The following COL4A5 variants were observed in gnomAD, a reference collection of about 807,000 sequenced individuals.
COL4A5 encodes the protein collagen type IV alpha 5 chain.
Under a neutral mutation model 130.2 loss-of-function variants are expected in COL4A5, and 26 were observed. The observed-to-expected ratio is 0.20, with a 90% CI of 0.15 to 0.28. COL4A5 has a LOEUF of 0.28. Ranked by LOEUF, COL4A5 falls within the 10% of genes least tolerant of loss-of-function variation. The probability of loss-of-function intolerance (pLI) is 1.00; values close to 1 mark genes in which losing one functional copy is unlikely to be tolerated. For synonymous variants in COL4A5, 496 were observed against 439.6 expected (o/e 1.13, Z -1.60); for missense variants, 1,131 against 1,344.3 (o/e 0.84, Z 2.48).
At chrX:108,693,943 C>T (rs1261656299) in intron 50 of COL4A5, 1 of 110,759 alleles carries the variant, frequency 9.0e-6, no homozygotes, top group Non-Finnish European at 1.9e-5. Flanking sequence ...ATTCTCGTTC[C>T]TTTGATAGTA....
rs104886358 is a variant in COL4A5 at position 108,620,226 on chromosome X, A to G, written c.2510-33A>G. 3.6e-4 allele frequency: 407 copies of G among 1,134,069 alleles called. 1 individual carries two copies. The highest frequency in any genetic ancestry group is 6.1e-4 in the Middle Eastern group (2 of 3,274). 93.5% of individuals were successfully genotyped at this position (1,134,069 alleles called of 1,213,427 possible). ...CAGATACATCTTTTAAAACTGCTTC[A>G]GTACTTATTAATATTGATATTGTAT... is the stretch of plus-strand genomic sequence containing the variant. On this transcript the variant is annotated intron_variant, in intron 30 of 52. Transcript: ENST00000328300.
intron 25 of COL4A5, 121 bp downstream of exon 25, chrX:108,598,991 T>C (rs1174331678): frequency 1.5e-6 from 1 of 656,272 alleles, no homozygotes; most frequent in African/African-American, 2.2e-5. Flanking sequence ...ATTTGAACTC[T>C]TCAGAGCATC....
At chrX:108,636,385 ATTAGGTAATGGTTTCTTAG>A (rs1969989940) in intron 36 of COL4A5, among the ~76,000 whole-genome samples, 1 of 111,186 alleles carries the variant, frequency 9.0e-6, no homozygotes, top group Non-Finnish European at 1.9e-5. Flanking sequence ...ATTAAAATTC[ATTAGGTAATGGTTTCTTAG>A]CTATGACACT....
rs184386818 is a variant in COL4A5, at chrX:108,556,923, T to C, written c.142-2141T>C. On this transcript the variant is annotated intron_variant, in intron 2 of 52. Transcript: ENST00000328300. ...CTCACTCTGCTAGATAGGACCATGA[T>C]ATTATTTGACTGTAGTGCAAGGAGA... 1.4e-3 allele frequency among the ~76,000 whole-genome samples: 158 copies of C among 111,556 alleles called. 1 individual carries two copies. Among genetic ancestry groups the C allele is most frequent in the Non-Finnish European group, 2.5e-3 (132 of 53,141 alleles).
intron 32 of COL4A5, 103 bp from the exon 33 acceptor site, chrX:108,622,573 G>T: frequency 1.1e-6 from 1 of 889,795 alleles, no homozygotes; most frequent in Non-Finnish European, 1.6e-6. Flanking sequence ...GTTTTGAGTG[G>T]CCAGTGGCCT....
chrX:108,634,953 G>A (rs1385109101), intron 36 of COL4A5, among the ~76,000 whole-genome samples: 2 of 111,007 alleles, frequency 1.8e-5, no homozygotes. Flanking sequence ...GTATGATTGA[G>A]GGAAAACAAG....
intron 1 of COL4A5, among the ~76,000 whole-genome samples, chrX:108,450,835 T>C (rs1436160299): frequency 9.1e-6 from 1 of 110,332 alleles, no homozygotes; most frequent in African/African-American, 3.3e-5. Context: ...GTTTTTTTAT[T>C]TTTATTTTTT....
chrX:108,665,898 A>G (rs1186281221), intron 38 of COL4A5, among the ~76,000 whole-genome samples: 1 of 111,215 alleles, frequency 9.0e-6, no homozygotes, highest in Non-Finnish European at 1.9e-5. Context: ...TAAAAATACA[A>G]AATATTAGCT....
chrX:108,491,580 C>G (rs1462102906), intron 1 of COL4A5, among the ~76,000 whole-genome samples: 1 of 111,151 alleles, frequency 9.0e-6, no homozygotes, highest in African/African-American at 3.3e-5. Flanking sequence ...TTACAGCAAC[C>G]AGACAAATGC....
chrX:108,637,644 G>T (rs1372680175), intron 36 of COL4A5, among the ~76,000 whole-genome samples: 1 of 111,662 alleles, frequency 9.0e-6, no homozygotes. Context: ...AAATATATGA[G>T]ACTGCTATGA....
chrX:108,537,958 T>G (rs779994311), intron 1 of COL4A5, among the ~76,000 whole-genome samples: 1 of 112,117 alleles, frequency 8.9e-6, no homozygotes, highest in Non-Finnish European at 1.9e-5. Flanking sequence ...AACTTAAAAT[T>G]TATGTTTGCA....
chrX:108,668,751 T>A (rs1390938916), intron 41 of COL4A5, among the ~76,000 whole-genome samples: 1 of 112,210 alleles, frequency 8.9e-6, no homozygotes, highest in Non-Finnish European at 1.9e-5. Context: ...ATAGAGGAAG[T>A]AAAACAATTT....
chrX:108,585,330 T>A (rs1299164327), intron 18 of COL4A5, among the ~76,000 whole-genome samples: 1 of 112,271 alleles, frequency 8.9e-6, no homozygotes, highest in Non-Finnish European at 1.9e-5. Context: ...TACTTAGGAC[T>A]GTACTAAATC....
intron 42 of COL4A5, among the ~76,000 whole-genome samples, chrX:108,672,709 A>G (rs1448651260): frequency 2.7e-5 from 3 of 112,094 alleles, no homozygotes; most frequent in Non-Finnish European, 5.6e-5. Flanking sequence ...AAGTTTTGCT[A>G]TGATATGATC....
At chrX:108,638,464 T>A (rs1426908532) in intron 36 of COL4A5, among the ~76,000 whole-genome samples, 2 of 111,826 alleles carry the variant, frequency 1.8e-5, no homozygotes, top group Non-Finnish European at 3.8e-5. Context: ...AACCCACAGC[T>A]AACAATGGTA....
intron 41 of COL4A5, among the ~76,000 whole-genome samples, chrX:108,669,790 G>A (rs1404028413): frequency 8.9e-6 from 1 of 112,047 alleles, no homozygotes; most frequent in Non-Finnish European, 1.9e-5. Flanking sequence ...TAGTCACAAA[G>A]ATGTCCTAAA....
At chrX:108,452,128 T>G (rs2064522263) in intron 1 of COL4A5, among the ~76,000 whole-genome samples, 1 of 111,777 alleles carries the variant, frequency 8.9e-6, no homozygotes, top group Non-Finnish European at 1.9e-5. Context: ...AAAGATCAGA[T>G]AGTTGTAGAT....
intron 36 of COL4A5, among the ~76,000 whole-genome samples, chrX:108,631,269 G>C (rs1400103856): frequency 9.0e-6 from 1 of 111,706 alleles, no homozygotes; most frequent in East Asian, 2.8e-4. Flanking sequence ...TCACGATATT[G>C]ATTCTTCCTA....
intron 2 of COL4A5, among the ~76,000 whole-genome samples, chrX:108,544,289 A>G (rs993694772): frequency 8.9e-6 from 1 of 111,946 alleles, no homozygotes; most frequent in African/African-American, 3.2e-5. Context: ...TCCCATCAAT[A>G]CCTAATTTAT....
Sources: gnomAD v4.1 joint callset for allele counts (sites outside exome capture counted in the v4.1 genomes callset) on GRCh38, gnomAD v4.1.1 for gene constraint, MANE v1.5 for transcripts, NCBI Gene and HGNC (gene_info 2026-07-23, HGNC 2026-07-21) for gene names.